Variants in LRRC27 observed in about 807,000 individuals in gnomAD.
LRRC27 encodes leucine rich repeat containing 27.
LRRC27 carries 57 observed loss-of-function variants against 55.0 expected under a neutral mutation model. The observed-to-expected ratio is 1.04, with a 90% CI of 0.84 to 1.29. LRRC27 has a LOEUF of 1.29. LRRC27 is among the 50% of genes most tolerant of loss of function. The pLI, the probability that LRRC27 is intolerant of heterozygous loss-of-function variation, is 0.00. For synonymous variants in LRRC27, 278 were observed against 251.9 expected, an observed-to-expected ratio of 1.10 and a Z score of -0.98; for missense variants, 721 against 651.5, an observed-to-expected ratio of 1.11 and a Z score of -1.16.
intron 4 of LRRC27, among the ~76,000 whole-genome samples, chr10:132,343,834 G>A (rs750254311): frequency 1.4e-4 from 22 of 152,300 alleles, no homozygotes; most frequent in Non-Finnish European, 2.5e-4. Context: ...GTGCTTCCCC[G>A]TGCTCCTCAT....
At chr10:132,332,910 G>T in intron 1 of LRRC27, among the ~76,000 whole-genome samples, 1 of 152,044 alleles carries the variant, frequency 6.6e-6, no homozygotes, top group East Asian at 1.9e-4. Flanking sequence ...TGAGATTTTG[G>T]TGAACAATAC....
At position 132,364,409 on chromosome 10, in the gene LRRC27, A is replaced by ACGCCCACACTCACACC. The variant is rs1402375501; in HGVS notation, c.1290-1014_1290-1013insGCCCACACTCACACCC. On this transcript the variant is annotated intron_variant, in intron 9 of 10. Transcript: ENST00000368614. Reference sequence around the variant, plus strand: ...TACACCCACCCTTACATCTACCTCCACACCCGCGCTTACACCCACGCTTAC... The same window carrying ACGCCCACACTCACACC: ...TACACCCACCCTTACATCTACCTCCACGCCCACACTCACACCCACCCGCGCTTACACCCACGCTTAC... Among the ~76,000 whole-genome samples, 44 of 16,790 alleles carry ACGCCCACACTCACACC rather than the reference A, an allele frequency of 2.6e-3. 2 individuals carry two copies. Among genetic ancestry groups the ACGCCCACACTCACACC allele is most frequent in the East Asian group, 9.4e-3 (3 of 318 alleles). The allele number at this position is 16,790 out of a possible 152,430, so 11.0% of individuals were successfully genotyped here. A position where few individuals can be genotyped will look rare whatever the true frequency, so the allele number is the denominator to read the frequency against.
At chr10:132,330,531 A>C (rs369994063), upstream of LRRC27, 6 of 716,492 alleles carry the variant, frequency 8.4e-6, no homozygotes, top group East Asian at 2.7e-5. Context: ...TTTTTTTGAG[A>C]CAGGGTCTCG....
rs372239258 is a variant in LRRC27, at chr10:132,336,700, G to T, written c.211-865G>T. 1.4e-4 allele frequency: 103 copies of T among 712,756 alleles called. No homozygotes were observed. In the East Asian group the frequency reaches 1.6e-3, roughly 11 times the overall value. 44.2% of individuals were successfully genotyped at this position (712,756 alleles called of 1,614,324 possible). On this transcript the variant is annotated intron_variant, in intron 2 of 10. Transcript: ENST00000368614. ...CAGAGAGGTTCAGGAACTTGCTCAAGGTCACACAGCCAATAGATTTTGAAA... is the reference window on the plus strand; with the variant it reads ...CAGAGAGGTTCAGGAACTTGCTCAATGTCACACAGCCAATAGATTTTGAAA...
At chr10:132,330,253 T>G (rs933890911), upstream of LRRC27, 4 of 566,350 alleles carry the variant, frequency 7.1e-6, no homozygotes, top group African/African-American at 1.9e-5. Flanking sequence ...AACAAAAACC[T>G]GAGGCAACAA....
rs771679070 is a variant in LRRC27, at chr10:132,344,503, G to A, written c.406G>A (p.Val136Ile). The change falls in exon 5 of 11, where the codon GTA becomes ATA. Residue 136 changes from valine (V) to isoleucine (I), a missense_variant. Physicochemically the swap from Val to Ile is conservative, Grantham distance 29. Coordinates refer to ENST00000368614, the MANE Select transcript of LRRC27 (RefSeq NM_030626.3). ...TTTTTTTTCCTCCACTGCAGGGAGC[G>A]TAACCACGCTGAAAGCACTGAACCT... ...IKMLPVELGSVTTLKALNLRH... is the reference protein window; with the variant it reads ...IKMLPVELGSITTLKALNLRH... The A allele has an allele frequency of 1.6e-5, 25 of 1,612,418 alleles. No homozygotes were observed. Among genetic ancestry groups the A allele is most frequent in the South Asian group, 5.5e-5 (5 of 91,014 alleles).
rs2069389210 is a variant in LRRC27 at position 132,379,873 on chromosome 10, A to C, written c.*4631A>C. On this transcript the variant is annotated 3_prime_UTR_variant, in exon 11 of 11. Transcript: ENST00000368614. ...GCAAAAATTTTTGGAAATTTGCAACAATTTGAAAAACTTTGCAGATGAGCC... is the reference window on the plus strand; with the variant it reads ...GCAAAAATTTTTGGAAATTTGCAACCATTTGAAAAACTTTGCAGATGAGCC... 6.6e-6 allele frequency: 1 copy of C among 152,480 alleles called. No individual in the cohort carries two copies. Among genetic ancestry groups the C allele is most frequent in the African/African-American group, 2.4e-5 (1 of 41,456 alleles). 9.4% of individuals were successfully genotyped at this position (152,480 alleles called of 1,614,324 possible).
chr10:132,353,200 T>C lies in LRRC27; in HGVS notation c.1073+1447T>C, dbSNP rs1219277379. 41 of 1,378,414 alleles carry C rather than the reference T, an allele frequency of 3.0e-5. 1 individual carries two copies. The South Asian group carries it at 5.9e-4, about 20-fold the overall frequency. The allele number at this position is 1,378,414 out of a possible 1,614,324, so 85.4% of individuals were successfully genotyped here. A position where few individuals can be genotyped will look rare whatever the true frequency, so the allele number is the denominator to read the frequency against. On this transcript the variant is annotated intron_variant, in intron 7 of 10. Coordinates refer to ENST00000368614, the MANE Select transcript of LRRC27 (RefSeq NM_030626.3). The stretch of plus-strand genomic sequence containing the variant: ...GAAGGGAGAGCGAGGGCCTCGTCTT[T>C]ACTTTCCCGGCTTCTTTGTGAGCTG...
At chr10:132,340,608 A>G (rs2067366686) in intron 3 of LRRC27, among the ~76,000 whole-genome samples, 1 of 152,216 alleles carries the variant, frequency 6.6e-6, no homozygotes, top group Non-Finnish European at 1.5e-5. Flanking sequence ...AACGAACCAC[A>G]TTGAAATAAT....
chr10:132,352,967 C>G lies in LRRC27; in HGVS notation c.1073+1214C>G, dbSNP rs1461491835. 2.4e-5 allele frequency: 39 copies of G among 1,613,720 alleles called. No individual in the cohort carries two copies. The Admixed American group carries it at 6.5e-4, about 27-fold the overall frequency. On this transcript the variant is annotated intron_variant, in intron 7 of 10. Transcript: ENST00000368614. ...CATTCTTGTGTTGCTGTGACTGCCG[C>G]CAGTGCCACCACCTTGCGAGGTGTG...
At chr10:132,331,642 A>G (rs539749706), upstream of LRRC27, 1 of 1,612,884 alleles carries the variant, frequency 6.2e-7, no homozygotes, top group Non-Finnish European at 8.5e-7. Flanking sequence ...ACCGCTCCAA[A>G]GGTGGTGCCT....
rs184512852 is a variant in LRRC27, at chr10:132,347,388, T to G, written c.554-596T>G. Among the ~76,000 whole-genome samples, 485 of 149,658 alleles carry G rather than the reference T, an allele frequency of 3.2e-3. 1 individual carries two copies. The highest frequency in any genetic ancestry group is 0.012 in the African/African-American group (467 of 40,364). ...AAGGTCAGGTGTGTCTGGTGGGGCC[T>G]CTGTGGGAAGGTCAGGCGTGTCTCA... On this transcript the variant is annotated intron_variant, in intron 5 of 10. Coordinates refer to ENST00000368614, the MANE Select transcript of LRRC27 (RefSeq NM_030626.3).
chr10:132,361,455 A>G lies in LRRC27; in HGVS notation c.1171-2A>G. On this transcript the variant is annotated splice_acceptor_variant, in intron 8 of 10. Transcript: ENST00000368614. LOFTEE classifies it high-confidence loss of function. Reference sequence around the variant, plus strand: ...AGAAATCATCTTGTTGCATTTTCCTAGGTGGCATCAAAGATTCCCTCTGCC... The same window carrying G: ...AGAAATCATCTTGTTGCATTTTCCTGGGTGGCATCAAAGATTCCCTCTGCC... The G allele has an allele frequency of 1.2e-6, 2 of 1,601,512 alleles. No individual in the cohort carries two copies. Among genetic ancestry groups the G allele is most frequent in the Non-Finnish European group, 1.7e-6 (2 of 1,168,716 alleles).
intron 2 of LRRC27, 39 bp from the exon 3 acceptor site, chr10:132,337,522 AGTTG>A: frequency 6.2e-7 from 1 of 1,606,718 alleles, no homozygotes; most frequent in Non-Finnish European, 8.5e-7. Flanking sequence ...TTTACAAATT[AGTTG>A]GTTAACAAAA....
Position 132,365,278 on chromosome 10 carries a change from A to T in LRRC27, c.1290-146A>T, listed in dbSNP as rs528745215. The T allele has an allele frequency of 1.2e-5, 13 of 1,122,564 alleles. No individual in the cohort carries two copies. The South Asian group carries it at 1.6e-4, about 14-fold the overall frequency. 69.5% of individuals were successfully genotyped at this position (1,122,564 alleles called of 1,614,324 possible). A position where few individuals can be genotyped will look rare whatever the true frequency, so the allele number is the denominator to read the frequency against. The stretch of plus-strand genomic sequence containing the variant: ...CCGGGGAGGCCCAGGGCAGCGCCAC[A>T]GTAACTGGCACAGCTGTGCGGGAGC... On this transcript the variant is annotated intron_variant, in intron 9 of 10. Transcript: ENST00000368614.
At chr10:132,331,766 G>T, upstream of LRRC27, 1 of 1,609,902 alleles carries the variant, frequency 6.2e-7, no homozygotes. Context: ...TCTGTGCCAG[G>T]CCGGTCGCCC....
intron 9 of LRRC27, among the ~76,000 whole-genome samples, chr10:132,364,996 G>A (rs931125361): frequency 1.3e-5 from 2 of 152,184 alleles, no homozygotes; most frequent in Admixed American, 1.3e-4. Flanking sequence ...CAGAAAATAT[G>A]TTTAAAATCA....
chr10:132,331,788 C>T, upstream of LRRC27: 1 of 1,606,922 alleles, frequency 6.2e-7, no homozygotes, highest in African/African-American at 1.3e-5. Flanking sequence ...TCCAGACCCT[C>T]GCGGTCTCTA....
intron 10 of LRRC27, among the ~76,000 whole-genome samples, chr10:132,371,158 G>A (rs751543376): frequency 2.0e-5 from 3 of 152,248 alleles, no homozygotes; most frequent in Non-Finnish European, 1.5e-5. Context: ...TTCCTTCAAG[G>A]CATCTGCGCA....
Sources: allele counts gnomAD v4.1 joint callset (sites outside exome capture counted in the v4.1 genomes callset), GRCh38; gene constraint gnomAD v4.1.1; transcripts MANE v1.5; gene names NCBI Gene and HGNC (gene_info 2026-07-23, HGNC 2026-07-21).